The following AP2S1 variants were observed in gnomAD, a reference collection of about 807,000 sequenced individuals.
AP2S1 encodes adaptor related protein complex 2 subunit sigma 1, also known as AP-2 complex subunit sigma.
Under a neutral mutation model 21.0 loss-of-function variants are expected in AP2S1, and 6 were observed. The observed-to-expected ratio is 0.29, with a 90% confidence interval of 0.16 to 0.56. The LOEUF is 0.56. AP2S1 is among the 20% of genes least tolerant of loss of function. The pLI is 0.92. For missense variants in AP2S1, 60 were observed against 186.2 expected (o/e 0.32, Z 3.95); for synonymous variants, 63 against 74.6 (o/e 0.84, Z 0.80).
intron 1 of AP2S1, chr19:46,850,367 G>T (rs376961057): frequency 8.1e-7 from 1 of 1,240,234 alleles, no homozygotes; most frequent in Non-Finnish European, 1.0e-6. Flanking sequence ...TCGCGTTCTC[G>T]TCCCAGCGCT....
At position 46,846,139 on chromosome 19, in the gene AP2S1, G is replaced by A. The variant is rs1012111005; in HGVS notation, c.7C>T (p.Arg3Cys). MI[R>C]FILIQNRAGK... Reference sequence around the variant, plus strand: ...GCCCGGTTCTGGATGAGGATAAAGCGGATCTGGGGGCAGCAGGAGGAGAAG... The same window carrying A: ...GCCCGGTTCTGGATGAGGATAAAGCAGATCTGGGGGCAGCAGGAGGAGAAG... The change falls in exon 2 of 5, where the codon CGC (arginine) becomes TGC (cysteine). Residue 3 changes from arginine (R) to cysteine (C), a missense_variant. By Grantham distance (180) the Arg-to-Cys change is radical. Transcript: ENST00000263270. The A allele has an allele frequency of 6.2e-7, 1 of 1,613,902 alleles. No individual in the cohort carries two copies. Among genetic ancestry groups the A allele is most frequent in the African/African-American group, 1.3e-5 (1 of 75,024 alleles).
At position 46,838,245 on chromosome 19, in the gene AP2S1, G is replaced by C. The variant is rs911027178; in HGVS notation, c.*202C>G. On this transcript the variant is annotated 3_prime_UTR_variant, in exon 5 of 5. Coordinates refer to ENST00000263270, the MANE Select transcript of AP2S1 (RefSeq NM_004069.6). The surrounding 1 kb of genome is among the most constrained non-coding windows in gnomAD (Gnocchi z 4.1). ...TCACACGACAACGGCACGGTTACTC[G>C]GGACACACACGGTGGCCTCTGCCCA... 31 of 595,252 alleles carry C rather than the reference G, an allele frequency of 5.2e-5. No homozygotes were observed. In the Middle Eastern group the frequency reaches 1.3e-3, roughly 26 times the overall value. The allele number at this position is 595,252 out of a possible 1,614,324, so 36.9% of individuals were successfully genotyped here. A position where few individuals can be genotyped will look rare whatever the true frequency, so the allele number is the denominator to read the frequency against.
At chr19:46,839,286 C>CAAAAAAAAAAAAAAAAAAAAAAAAAA (rs771792607) in intron 3 of AP2S1, among the ~76,000 whole-genome samples, 179 bp downstream of exon 3, 7 of 72,958 alleles carry the variant, frequency 9.6e-5, no homozygotes, top group African/African-American at 3.0e-4. Context: ...GACTCCGTCT[C>CAAAAAAAAAAAAAAAAAAAAAAAAAA]AAAAAAAAAA....
intron 2 of AP2S1, among the ~76,000 whole-genome samples, chr19:46,843,092 C>T (rs1303927674): frequency 6.6e-6 from 1 of 152,220 alleles, no homozygotes; most frequent in Non-Finnish European, 1.5e-5. Context: ...CCCATCTGCC[C>T]ATATCAGATA....
intron 2 of AP2S1, among the ~76,000 whole-genome samples, chr19:46,845,173 C>T (rs1947349225): frequency 6.7e-6 from 1 of 149,104 alleles, no homozygotes; most frequent in South Asian, 2.1e-4. Context: ...CTTTGGAAGG[C>T]CGAGGAGGGT....
At chr19:46,845,075 G>A (rs1238286803) in intron 2 of AP2S1, among the ~76,000 whole-genome samples, 1 of 146,066 alleles carries the variant, frequency 6.8e-6, no homozygotes, top group African/African-American at 2.6e-5. Context: ...CTCCAGCCTG[G>A]GTGACTGAGA....
At chr19:46,842,038 G>A (rs1196144782) in intron 2 of AP2S1, among the ~76,000 whole-genome samples, 2 of 152,086 alleles carry the variant, frequency 1.3e-5, no homozygotes, top group Non-Finnish European at 2.9e-5. Flanking sequence ...AAAATTAGTT[G>A]GGCGTGGTGG....
At chr19:46,846,185 G>C (rs746217540) in intron 1 of AP2S1, 43 bp from the exon 2 acceptor site, 4 of 1,611,068 alleles carry the variant, frequency 2.5e-6, no homozygotes, top group Non-Finnish European at 3.4e-6. Context: ...GAGAGGCAGA[G>C]AGGGCGGGTT....
At chr19:46,841,535 C>G (rs142438709) in intron 2 of AP2S1, among the ~76,000 whole-genome samples, 4 of 152,210 alleles carry the variant, frequency 2.6e-5, no homozygotes, top group Non-Finnish European at 5.9e-5. Context: ...GAACATCCCA[C>G]GCCACTGCCC....
At position 46,845,988 on chromosome 19, in the gene AP2S1, G is replaced by A. The variant is rs747850028; in HGVS notation, c.153+5C>T. 2.4e-5 allele frequency: 38 copies of A among 1,613,900 alleles called. No homozygotes were observed. In the East Asian group the frequency reaches 3.1e-4, roughly 13 times the overall value. On this transcript the variant is annotated splice_donor_5th_base_variant and intron_variant, in intron 2 of 4. Transcript: ENST00000263270. ...GGGGTGCAGGAGGCATGGAGCGGGC[G>A]TCACCTCCACAAAGTTGGTGTGTTT...
At chr19:46,847,296 C>T (rs567773684) in intron 1 of AP2S1, among the ~76,000 whole-genome samples, 8 of 151,136 alleles carry the variant, frequency 5.3e-5, no homozygotes, top group South Asian at 2.1e-4. Flanking sequence ...TGCAGTGGCG[C>T]GATCCCGCCT....
intron 2 of AP2S1, among the ~76,000 whole-genome samples, chr19:46,843,579 C>T (rs141268712): frequency 2.0e-5 from 3 of 152,136 alleles, no homozygotes; most frequent in African/African-American, 2.4e-5. Flanking sequence ...AAAATTAGTA[C>T]GGCATTGGTG....
At chr19:46,850,022 A>C (rs2055709855) in intron 1 of AP2S1, 3 of 975,506 alleles carry the variant, frequency 3.1e-6, no homozygotes, top group Non-Finnish European at 4.0e-6. Flanking sequence ...TGCCCCAACA[A>C]AGATTCCTCC....
chr19:46,845,029 A>C (rs2055601292), intron 2 of AP2S1, among the ~76,000 whole-genome samples: 1 of 140,832 alleles, frequency 7.1e-6, no homozygotes, highest in Non-Finnish European at 1.5e-5. Flanking sequence ...TGAACCCTGG[A>C]GGAGGTTGCA....
intron 2 of AP2S1, among the ~76,000 whole-genome samples, chr19:46,843,262 C>T (rs1303076926): frequency 1.3e-5 from 2 of 152,184 alleles, no homozygotes; most frequent in Non-Finnish European, 2.9e-5. Flanking sequence ...GTCCGGTCAC[C>T]AGCATCTCCC....
At chr19:46,846,298 A>G in intron 1 of AP2S1, 156 bp from the exon 2 acceptor site, 1 of 941,340 alleles carries the variant, frequency 1.1e-6, no homozygotes, top group Admixed American at 2.7e-5. Context: ...CCCAGACCCA[A>G]GCCAGGCCGG....
intron 2 of AP2S1, chr19:46,845,662 A>G (rs1296161176): frequency 5.5e-6 from 1 of 182,964 alleles, no homozygotes. Flanking sequence ...ACCAAAAAAA[A>G]AAATTCTTTT....
intron 2 of AP2S1, among the ~76,000 whole-genome samples, chr19:46,842,527 G>C (rs2055541414): frequency 6.6e-6 from 1 of 152,134 alleles, no homozygotes. Flanking sequence ...CTGGATCCTG[G>C]AGGCATGGAG....
intron 3 of AP2S1, 26 bp downstream of exon 3, chr19:46,839,439 C>CCCCAAAAAACCCCAACCCCCCCA: frequency 6.4e-7 from 1 of 1,569,710 alleles, no homozygotes; most frequent in Non-Finnish European, 8.7e-7. Context: ...CCCGCCTCCC[C>CCCCAAAAAACCCCAACCCCCCCA]ACCTTACATC....
Sources: gnomAD v4.1 joint callset for allele counts (sites outside exome capture counted in the v4.1 genomes callset) on GRCh38, gnomAD v4.1.1 for gene constraint, Gnocchi (gnomAD v3.1) non-coding constraint, MANE v1.5 for transcripts, NCBI Gene and HGNC (gene_info 2026-07-23, HGNC 2026-07-21) for gene names.